Variants in LRP1B observed in about 807,000 individuals in gnomAD.
The protein encoded by LRP1B is LDL receptor related protein 1B, also known as low-density lipoprotein receptor-related protein 1B.
LRP1B carries 217 observed loss-of-function variants against 556.6 expected under a neutral mutation model. The ratio of observed to expected loss-of-function variants is 0.39; its 90% confidence interval spans 0.35 to 0.44. The LOEUF (loss-of-function observed/expected upper bound fraction) is 0.44. Ranked by LOEUF, LRP1B falls within the 20% of genes least tolerant of loss-of-function variation. LRP1B has a pLI of 1.00. For missense variants in LRP1B, 5,053 were observed against 5,620.8 expected (o/e 0.90, Z 3.23); for synonymous variants, 2,047 against 1,865.8 (o/e 1.10, Z -2.50).
intron 83 of LRP1B, among the ~76,000 whole-genome samples, chr2:140,312,547 C>T (rs189647856): frequency 2.0e-5 from 3 of 151,936 alleles, no homozygotes; most frequent in East Asian, 3.9e-4. Context: ...ATCTATGATG[C>T]ATAAAATCTT....
intron 41 of LRP1B, among the ~76,000 whole-genome samples, chr2:140,682,858 A>G (rs1392158765): frequency 1.3e-5 from 2 of 152,204 alleles, no homozygotes; most frequent in East Asian, 3.9e-4. Flanking sequence ...AGCAGAGTAG[A>G]TACGTAATAA....
chr2:140,428,850 T>A (rs1685783319), intron 66 of LRP1B, among the ~76,000 whole-genome samples: 1 of 152,178 alleles, frequency 6.6e-6, no homozygotes, highest in Admixed American at 6.5e-5. Flanking sequence ...ACAATACTTT[T>A]TTAAGCACTC....
At chr2:141,963,509 T>A (rs1235372838) in intron 1 of LRP1B, among the ~76,000 whole-genome samples, 2 of 151,736 alleles carry the variant, frequency 1.3e-5, no homozygotes, top group African/African-American at 4.8e-5. Flanking sequence ...ATTATCTCAA[T>A]AGATGCAGAA....
intron 43 of LRP1B, among the ~76,000 whole-genome samples, chr2:140,577,766 T>G (rs1053622221): frequency 1.3e-5 from 2 of 152,138 alleles, no homozygotes; most frequent in Non-Finnish European, 2.9e-5. Context: ...TTTGCTTGAT[T>G]TATTGAATTC....
chr2:141,774,510 C>CT (rs1466843937), intron 2 of LRP1B, among the ~76,000 whole-genome samples: 1 of 152,012 alleles, frequency 6.6e-6, no homozygotes, highest in Admixed American at 6.6e-5. Context: ...CCATCACCTC[C>CT]TACCATACTC....
chr2:140,771,071 A>G (rs2104939843), intron 33 of LRP1B, 65 bp from the exon 34 acceptor site: 1 of 1,235,558 alleles, frequency 8.1e-7, no homozygotes, highest in Non-Finnish European at 1.1e-6. Flanking sequence ...GTTTTATTTA[A>G]CGTCAATAAT....
At chr2:141,175,515 G>A (rs1016862354) in intron 7 of LRP1B, among the ~76,000 whole-genome samples, 1 of 152,114 alleles carries the variant, frequency 6.6e-6, no homozygotes, top group South Asian at 2.1e-4. Flanking sequence ...TGGCTTCCAG[G>A]TTGTGTTGAA....
chr2:141,157,760 G>A (rs1476659366), intron 7 of LRP1B, among the ~76,000 whole-genome samples: 1 of 152,048 alleles, frequency 6.6e-6, no homozygotes, highest in Non-Finnish European at 1.5e-5. Context: ...GCTGAGAAAA[G>A]AATATAGGTA....
intron 84 of LRP1B, among the ~76,000 whole-genome samples, chr2:140,286,205 G>A (rs1683144704): frequency 6.6e-6 from 1 of 151,852 alleles, no homozygotes; most frequent in African/African-American, 2.4e-5. Flanking sequence ...GAGAACAAGA[G>A]TAATACTGCT....
intron 20 of LRP1B, among the ~76,000 whole-genome samples, chr2:140,939,816 C>T (rs1233809454): frequency 1.3e-5 from 2 of 150,966 alleles, no homozygotes; most frequent in Non-Finnish European, 2.9e-5. Flanking sequence ...TTAGAAAATA[C>T]AGGTAAAATT....
chr2:141,582,398 G>A (rs1159600235), intron 2 of LRP1B, among the ~76,000 whole-genome samples: 1 of 152,168 alleles, frequency 6.6e-6, no homozygotes, highest in Non-Finnish European at 1.5e-5. Flanking sequence ...TGGTTGCTAG[G>A]GTAGCAGTGT....
intron 1 of LRP1B, among the ~76,000 whole-genome samples, chr2:141,992,645 T>G (rs776264468): frequency 6.6e-6 from 1 of 152,162 alleles, no homozygotes; most frequent in Admixed American, 6.6e-5. Flanking sequence ...CCTTTCTCAT[T>G]GAAAACCTGC....
chr2:140,763,342 G>T (rs1688995346), intron 35 of LRP1B, among the ~76,000 whole-genome samples: 1 of 152,022 alleles, frequency 6.6e-6, no homozygotes, highest in African/African-American at 2.4e-5. Context: ...CCACTGAGGA[G>T]AAGCCTCAGT....
intron 41 of LRP1B, among the ~76,000 whole-genome samples, chr2:140,661,522 C>T (rs111282956): frequency 2.2e-5 from 3 of 138,132 alleles, no homozygotes; most frequent in East Asian, 4.4e-4. Context: ...AAAAAAAAAA[C>T]GCAGTGTGGT....
intron 7 of LRP1B, among the ~76,000 whole-genome samples, chr2:141,096,629 G>GAGGGAGAGAGAGA (rs1558858138): frequency 2.5e-4 from 15 of 59,738 alleles, no homozygotes; most frequent in Middle Eastern, 8.3e-3. Context: ...GGGGAGAGGG[G>GAGGGAGAGAGAGA]GAGAGAGAGA....
chr2:140,408,751 A>G (rs1684852389), intron 66 of LRP1B, among the ~76,000 whole-genome samples: 1 of 151,950 alleles, frequency 6.6e-6, no homozygotes, highest in African/African-American at 2.4e-5. Flanking sequence ...TAAAGCTGCA[A>G]CATGTCTACA....
intron 82 of LRP1B, among the ~76,000 whole-genome samples, chr2:140,317,416 A>C (rs1179166422): frequency 1.3e-5 from 2 of 151,992 alleles, no homozygotes; most frequent in African/African-American, 4.8e-5. Flanking sequence ...TTATGTAAAG[A>C]AAAATGAGGA....
chr2:141,918,440 T>C (rs1322541576), intron 1 of LRP1B, among the ~76,000 whole-genome samples: 1 of 152,126 alleles, frequency 6.6e-6, no homozygotes, highest in Non-Finnish European at 1.5e-5. Context: ...ATGTATTTGG[T>C]ATCGAGTGAT....
At chr2:141,048,051 A>G (rs1013547947) in intron 11 of LRP1B, among the ~76,000 whole-genome samples, 1 of 152,150 alleles carries the variant, frequency 6.6e-6, no homozygotes, top group African/African-American at 2.4e-5. Flanking sequence ...TGCTTATATC[A>G]TCTCCAAAGG....
Sources: allele counts gnomAD v4.1 joint callset (sites outside exome capture counted in the v4.1 genomes callset), GRCh38; gene constraint gnomAD v4.1.1; transcripts MANE v1.5; gene names NCBI Gene and HGNC (gene_info 2026-07-23, HGNC 2026-07-21).